The following ANO3 variants were observed in gnomAD, a reference collection of about 807,000 sequenced individuals.
ANO3 encodes anoctamin-3.
A neutral mutation model predicts 144.8 loss-of-function variants in ANO3; 99 were observed. That is an observed-to-expected ratio of 0.68 (90% CI 0.58 to 0.81). The LOEUF is 0.81. Among genes scored for constraint, ANO3 ranks in the 30% least tolerant of loss-of-function variants. The pLI is 0.00. For missense variants in ANO3, 905 were observed against 1,202.2 expected (o/e 0.75, Z 3.66); for synonymous variants, 414 against 392.6 (o/e 1.05, Z -0.64).
chr11:26,198,914 A>G (rs940524261), intron 1 of ANO3, among the ~76,000 whole-genome samples: 5 of 152,166 alleles, frequency 3.3e-5, no homozygotes, highest in African/African-American at 1.2e-4. Context: ...TCAGTGACAG[A>G]TGTGATAATG....
intron 1 of ANO3, among the ~76,000 whole-genome samples, chr11:26,366,741 T>C (rs1856097943): frequency 6.6e-6 from 1 of 150,678 alleles, no homozygotes; most frequent in South Asian, 2.1e-4. Context: ...ATGATGAGCA[T>C]TTTTTCATGT....
At chr11:26,441,494 T>C (rs908570671) in intron 1 of ANO3, among the ~76,000 whole-genome samples, 5 of 152,124 alleles carry the variant, frequency 3.3e-5, no homozygotes, top group Admixed American at 3.3e-4. Flanking sequence ...TGTATGTGTT[T>C]AAGGGAGAGG....
chr11:26,285,224 A>G (rs577081691), intron 1 of ANO3, among the ~76,000 whole-genome samples: 4 of 152,190 alleles, frequency 2.6e-5, no homozygotes, highest in Admixed American at 6.5e-5. Context: ...TGAAGTCTTA[A>G]CCAAGAACTT....
intron 1 of ANO3, among the ~76,000 whole-genome samples, chr11:26,225,853 C>T (rs936939739): frequency 5.3e-5 from 8 of 152,106 alleles, no homozygotes; most frequent in African/African-American, 7.2e-5. Flanking sequence ...TTTGTACTTT[C>T]GTGTTATGGT....
exon 1 of ANO3, among the ~76,000 whole-genome samples, chr11:26,188,893 A>C (rs575679167): frequency 4.0e-4 from 61 of 152,244 alleles, no homozygotes; most frequent in African/African-American, 1.5e-3. Context: ...CTGAGATGGG[A>C]TAGGTGCTGC....
intron 4 of ANO3, among the ~76,000 whole-genome samples, chr11:26,479,148 A>C (rs1348311634): frequency 1.3e-5 from 2 of 152,192 alleles, no homozygotes; most frequent in Non-Finnish European, 1.5e-5. Flanking sequence ...GCTGTTATTA[A>C]AGCTAACTAG....
chr11:26,335,735 T>A (rs2133893238), intron 1 of ANO3, among the ~76,000 whole-genome samples: 1 of 152,332 alleles, frequency 6.6e-6, no homozygotes, highest in East Asian at 1.9e-4. Context: ...AATCTGTTGC[T>A]GCAAAACCCT....
At chr11:26,505,011 CAAAAAAAAAAAAAA>C (rs61530995) in intron 4 of ANO3, among the ~76,000 whole-genome samples, 18 of 63,666 alleles carry the variant, frequency 2.8e-4, no homozygotes, top group African/African-American at 5.3e-4. Flanking sequence ...GACTCCACCT[CAAAAAAAAAAAAAA>C]AAAAAAAAAA....
At chr11:26,415,056 A>ATGTGTG (rs149901742) in intron 1 of ANO3, among the ~76,000 whole-genome samples, 20,691 of 145,330 alleles carry the variant, frequency 0.14, 1,450 homozygotes, top group South Asian at 0.29. Flanking sequence ...ATTGGTGTGT[A>ATGTGTG]TGTGTGTGTG....
chr11:26,662,373 T>G lies in ANO3; in HGVS notation c.*1929T>G, dbSNP rs948988739. ...CTAATTCCACTAAGTACAAGGGAGTTTTTTACACTCCTCCATTTTTATAGC... is the reference window on the plus strand; with the variant it reads ...CTAATTCCACTAAGTACAAGGGAGTGTTTTACACTCCTCCATTTTTATAGC... On this transcript the variant is annotated 3_prime_UTR_variant, in exon 27 of 27. Transcript: ENST00000256737. 6.6e-6 allele frequency: 1 copy of G among 151,918 alleles called. No individual in the cohort carries two copies. The highest frequency in any genetic ancestry group is 2.4e-5 in the African/African-American group (1 of 41,368). The allele number at this position is 151,918 out of a possible 1,614,324, so 9.4% of individuals were successfully genotyped here.
chr11:26,348,806 T>A lies in ANO3; in HGVS notation c.46+16485T>A, dbSNP rs555626827. 2.0e-5 allele frequency among the ~76,000 whole-genome samples: 3 copies of A among 152,356 alleles called. No individual in the cohort carries two copies. In the East Asian group the frequency reaches 5.8e-4, roughly 29 times the overall value. ...GCTCTCCCAAGACGTCACATTCTTA[T>A]GGTGAAACTGTTGGGGAAACATACA... On this transcript the variant is annotated intron_variant, in intron 1 of 26. Transcript: ENST00000256737.
At chr11:26,194,050 T>C (rs1006327461) in intron 1 of ANO3, among the ~76,000 whole-genome samples, 1 of 152,178 alleles carries the variant, frequency 6.6e-6, no homozygotes, top group Admixed American at 6.5e-5. Flanking sequence ...CATTAAATGA[T>C]AGAATGTCAA....
intron 14 of ANO3, among the ~76,000 whole-genome samples, chr11:26,582,275 C>T (rs563026412): frequency 2.0e-5 from 3 of 152,260 alleles, no homozygotes; most frequent in South Asian, 2.1e-4. Flanking sequence ...TTATAGTGAT[C>T]GGTGTTTACT....
At chr11:26,306,368 C>T (rs1854384294), upstream of ANO3, among the ~76,000 whole-genome samples, 1 of 152,106 alleles carries the variant, frequency 6.6e-6, no homozygotes, top group Non-Finnish European at 1.5e-5. Flanking sequence ...CCTAACCTTA[C>T]CTCTCTCCAA....
intron 1 of ANO3, among the ~76,000 whole-genome samples, chr11:26,274,608 G>C (rs965371696): frequency 2.0e-5 from 3 of 152,070 alleles, no homozygotes; most frequent in African/African-American, 7.2e-5. Context: ...TTATGAACAT[G>C]CTAGTTTCCC....
intron 1 of ANO3, among the ~76,000 whole-genome samples, chr11:26,310,493 T>A (rs1437629528): frequency 6.6e-6 from 1 of 152,114 alleles, no homozygotes; most frequent in African/African-American, 2.4e-5. Context: ...AGTCCAAGAG[T>A]TCCTTCTGCC....
chr11:26,594,700 T>C (rs59645445), intron 14 of ANO3, among the ~76,000 whole-genome samples: 2,280 of 152,174 alleles, frequency 0.015, 56 homozygotes, highest in African/African-American at 0.053. Flanking sequence ...GGGAAGGAGC[T>C]GGGAGAACAC....
intron 1 of ANO3, among the ~76,000 whole-genome samples, chr11:26,234,340 C>T (rs1158414593): frequency 1.3e-5 from 2 of 152,046 alleles, no homozygotes; most frequent in Admixed American, 1.3e-4. Context: ...TTATTAAATA[C>T]TTAGATATGC....
At chr11:26,350,319 A>G (rs1020016266) in intron 1 of ANO3, among the ~76,000 whole-genome samples, 3 of 152,176 alleles carry the variant, frequency 2.0e-5, no homozygotes, top group Admixed American at 6.5e-5. Flanking sequence ...GCTGGGACCT[A>G]TTAGAGACTC....
Sources: allele counts gnomAD v4.1 joint callset (sites outside exome capture counted in the v4.1 genomes callset), GRCh38; gene constraint gnomAD v4.1.1; transcripts MANE v1.5; gene names NCBI Gene and HGNC (gene_info 2026-07-23, HGNC 2026-07-21).